SEH1L: variants seen among roughly 807,000 people sequenced by gnomAD.
SEH1L encodes SEH1 like nucleoporin.
Under a neutral mutation model 49.5 loss-of-function variants are expected in SEH1L, and 18 were observed. The observed-to-expected ratio is 0.36, with a 90% CI of 0.25 to 0.54. SEH1L has a LOEUF of 0.54. SEH1L is among the 20% of genes least tolerant of loss of function. The pLI is 0.87. For missense variants in SEH1L, 404 were observed against 528.8 expected, an observed-to-expected ratio of 0.76 and a Z score of 2.31; for synonymous variants, 169 against 178.1, an observed-to-expected ratio of 0.95 and a Z score of 0.41.
At chr18:12,986,827 T>G (rs1221282977) in intron 8 of SEH1L, 35 bp from the exon 9 acceptor site, 3 of 1,365,018 alleles carry the variant, frequency 2.2e-6, no homozygotes, top group Non-Finnish European at 2.9e-6. Flanking sequence ...GTTTTTGTTT[T>G]GTTTGGTGTT....
chr18:12,977,542 T>A (rs1247412920), intron 5 of SEH1L: 1 of 152,148 alleles, frequency 6.6e-6, no homozygotes, highest in Non-Finnish European at 1.5e-5. Context: ...CTGACCAACA[T>A]GGTGAAACCC....
At chr18:12,959,196 G>T (rs2031051515) in intron 3 of SEH1L, among the ~76,000 whole-genome samples, 1 of 151,996 alleles carries the variant, frequency 6.6e-6, no homozygotes, top group South Asian at 2.1e-4. Context: ...TTTAAATTGG[G>T]TTTTTTGTTG....
intron 4 of SEH1L, among the ~76,000 whole-genome samples, chr18:12,968,869 G>C (rs1442459757): frequency 2.0e-5 from 3 of 152,134 alleles, no homozygotes; most frequent in Non-Finnish European, 4.4e-5. Flanking sequence ...TTGTACAATT[G>C]AGGTAATCCT....
intron 3 of SEH1L, among the ~76,000 whole-genome samples, chr18:12,957,053 G>C (rs578253429): frequency 1.3e-4 from 19 of 146,362 alleles, no homozygotes; most frequent in African/African-American, 4.9e-4. Flanking sequence ...GGGCGACGGA[G>C]CGAGACTTGT....
chr18:12,963,344 G>A lies in SEH1L; in HGVS notation c.494G>A (p.Cys165Tyr), dbSNP rs1379738916. Residue 165 changes from cysteine (C) to tyrosine (Y), a missense_variant, in exon 4 of 9, where the codon TGT becomes TAT. Physicochemically the swap from Cys to Tyr is radical, Grantham distance 194. Transcript: ENST00000399892. ...LQHEISCKLS[C>Y]SCISWNPSSS... ...CATGAGATCTCATGTAAGCTAAGCT[G>A]TAGTTGTATTTCTTGGAACCCTTCA... 1.2e-6 allele frequency: 2 copies of A among 1,613,912 alleles called. No homozygotes were observed. Among genetic ancestry groups the A allele is most frequent in the Admixed American group, 3.3e-5 (2 of 59,992 alleles).
At chr18:12,958,340 C>T (rs1344067859) in intron 3 of SEH1L, among the ~76,000 whole-genome samples, 2 of 151,624 alleles carry the variant, frequency 1.3e-5, no homozygotes, top group Non-Finnish European at 2.9e-5. Context: ...CCTGCCTTGG[C>T]CTCCTGAAGT....
rs77679338 is a variant in SEH1L, at chr18:12,975,384, G to T, written c.621-3368G>T. On this transcript the variant is annotated intron_variant, in intron 5 of 8. Coordinates refer to ENST00000399892, the MANE Select transcript of SEH1L (RefSeq NM_001013437.2). The stretch of plus-strand genomic sequence containing the variant: ...TCATAAGCAGCATGGACTGTACTAA[G>T]AGCTGAAGGAGCTTACAGCGCCTAG... Among the ~76,000 whole-genome samples the T allele has an allele frequency of 2.5e-3, 382 of 152,114 alleles. 6 individuals carry two copies. The East Asian group carries it at 0.049, about 20-fold the overall frequency.
intron 5 of SEH1L, chr18:12,977,985 T>G (rs2145655635): frequency 6.6e-6 from 1 of 152,300 alleles, no homozygotes; most frequent in South Asian, 2.1e-4. Flanking sequence ...TGCACCACCA[T>G]GCCCAGCTAT....
rs1235921068 is a variant in SEH1L at position 12,963,275 on chromosome 18, A to G, written c.425A>G (p.Tyr142Cys). The G allele has an allele frequency of 5.6e-6, 9 of 1,614,062 alleles. No individual in the cohort carries two copies. The highest frequency in any genetic ancestry group is 1.7e-5 in the Admixed American group (1 of 60,000). Reference protein sequence around the residue: ...TCSADGIVRIYEAPDVMNLSQ... With the variant: ...TCSADGIVRICEAPDVMNLSQ... ...TCCGCAGATGGTATAGTAAGAATCT[A>G]TGAGGCACCAGATGTTATGAATCTC... Residue 142 changes from tyrosine to cysteine, a missense_variant, in exon 4 of 9, where the codon TAT (tyrosine) becomes TGT (cysteine). Around this residue, in one of 3 missense-constraint regions of SEH1L, gnomAD observed 342 missense variants for 430.8 expected, o/e 0.79. Coordinates refer to ENST00000399892, the MANE Select transcript of SEH1L (RefSeq NM_001013437.2).
intron 4 of SEH1L, among the ~76,000 whole-genome samples, chr18:12,964,678 C>T (rs2031356711): frequency 7.0e-6 from 1 of 142,776 alleles, no homozygotes; most frequent in Middle Eastern, 3.8e-3. Context: ...CCCTATTGCC[C>T]AGGCTGGAGT....
intron 3 of SEH1L, among the ~76,000 whole-genome samples, chr18:12,957,343 G>A (rs911915942): frequency 1.3e-5 from 2 of 151,906 alleles, no homozygotes; most frequent in African/African-American, 2.4e-5. Flanking sequence ...CAGGAGAATC[G>A]CTTGAACCCG....
chr18:12,957,605 TATG>T (rs1414096331), intron 3 of SEH1L, among the ~76,000 whole-genome samples: 1 of 152,264 alleles, frequency 6.6e-6, no homozygotes, highest in East Asian at 1.9e-4. Context: ...AGCATTTTCA[TATG>T]AAGGTATTAT....
At chr18:12,954,343 A>G (rs1386357304) in intron 2 of SEH1L, among the ~76,000 whole-genome samples, 2 of 152,190 alleles carry the variant, frequency 1.3e-5, no homozygotes, top group African/African-American at 2.4e-5. Context: ...GGAGGGGTGT[A>G]AGGATTTGGG....
intron 8 of SEH1L, among the ~76,000 whole-genome samples, chr18:12,984,476 G>A (rs892248652): frequency 6.6e-6 from 1 of 152,216 alleles, no homozygotes; most frequent in African/African-American, 2.4e-5. Flanking sequence ...AACAGTGAGA[G>A]GAAGGTTATC....
chr18:12,948,044 T>C lies in SEH1L; in HGVS notation c.-78T>C. 1 of 1,082,118 alleles carries C rather than the reference T, an allele frequency of 9.2e-7. No homozygotes were observed. The highest frequency in any genetic ancestry group is 1.4e-6 in the Non-Finnish European group (1 of 735,004). The allele number at this position is 1,082,118 out of a possible 1,614,324, so 67.0% of individuals were successfully genotyped here. On this transcript the variant is annotated 5_prime_UTR_variant, in exon 1 of 9. Transcript: ENST00000399892. The stretch of plus-strand genomic sequence containing the variant: ...CCGTGCGCTCCCGGGCTGCGAGGTC[T>C]GGCTAGGCTACGGGCCACGCGCCGC...
intron 4 of SEH1L, among the ~76,000 whole-genome samples, chr18:12,969,693 A>G (rs1007184098): frequency 7.2e-5 from 11 of 151,906 alleles, no homozygotes; most frequent in Non-Finnish European, 1.0e-4. Context: ...TCTCAAAAAA[A>G]AAAAAAAAAT....
chr18:12,948,370 C>T, intron 1 of SEH1L, 138 bp downstream of exon 1: 1 of 650,616 alleles, frequency 1.5e-6, no homozygotes, highest in East Asian at 3.1e-5. Context: ...CCTGGCTGGA[C>T]TGAGCGGAAG....
chr18:12,956,068 G>A (rs1330238784), intron 3 of SEH1L, among the ~76,000 whole-genome samples: 20 of 146,614 alleles, frequency 1.4e-4, no homozygotes, highest in Admixed American at 1.2e-3. Context: ...TTTTTTAGAC[G>A]GAGTCTCACT....
chr18:12,986,900 C>G lies in SEH1L; in HGVS notation c.1109C>G (p.Ser370Trp). The G allele has an allele frequency of 1.2e-6, 2 of 1,610,066 alleles. No homozygotes were observed. Among genetic ancestry groups the G allele is most frequent in the Non-Finnish European group, 1.7e-6 (2 of 1,177,716 alleles). ...CCTCTGGATTCCCCACGGGCTGGATCGAGATGGTCCAGTTATGCCCAGCTC... is the reference window on the plus strand; with the variant it reads ...CCTCTGGATTCCCCACGGGCTGGATGGAGATGGTCCAGTTATGCCCAGCTC... ...FTPLDSPRAG[S>W]RWSSYAQLLP... The change falls in exon 9 of 9, where the codon TCG becomes TGG. Residue 370 changes from serine to tryptophan, a missense_variant. Physicochemically the swap from Ser to Trp is radical, Grantham distance 177 (BLOSUM62 -3). Around this residue, in one of 3 missense-constraint regions of SEH1L, gnomAD observed 342 missense variants for 430.8 expected, o/e 0.79. Coordinates refer to ENST00000399892, the MANE Select transcript of SEH1L (RefSeq NM_001013437.2).
Sources: gnomAD v4.1 joint callset for allele counts (sites outside exome capture counted in the v4.1 genomes callset) on GRCh38, gnomAD v4.1.1 for gene constraint, gnomAD v4.1.1 regional missense constraint, MANE v1.5 for transcripts, NCBI Gene and HGNC (gene_info 2026-07-23, HGNC 2026-07-21) for gene names.